CDC42BPB: variants seen among roughly 807,000 people sequenced by gnomAD.
CDC42BPB encodes serine/threonine-protein kinase MRCK beta.
Under a neutral mutation model 214.9 loss-of-function variants are expected in CDC42BPB, and 37 were observed. That is an observed-to-expected ratio of 0.17 (90% CI 0.13 to 0.23). The LOEUF is 0.23. CDC42BPB is among the 10% of genes least tolerant of loss of function. The pLI is 1.00. For synonymous variants in CDC42BPB, 931 were observed against 884.0 expected (o/e 1.05, Z -0.94); for missense variants, 1,694 against 2,227.0 (o/e 0.76, Z 4.82).
At chr14:102,946,193 A>T (rs573186780) in intron 28 of CDC42BPB, among the ~76,000 whole-genome samples, 156 of 145,358 alleles carry the variant, frequency 1.1e-3, no homozygotes, top group East Asian at 7.4e-3. Context: ...TTTTATTTTT[A>T]TTTTTTTTTT....
At chr14:103,010,783 G>C (rs549241785) in intron 2 of CDC42BPB, among the ~76,000 whole-genome samples, 1 of 152,232 alleles carries the variant, frequency 6.6e-6, no homozygotes, top group Non-Finnish European at 1.5e-5. Flanking sequence ...TGTAATCCCA[G>C]CACTTTGGGA....
intron 26 of CDC42BPB, among the ~76,000 whole-genome samples, chr14:102,949,015 T>C (rs944930238): frequency 2.6e-5 from 4 of 152,064 alleles, no homozygotes; most frequent in Non-Finnish European, 4.4e-5. Flanking sequence ...ATGCTACAGA[T>C]GGAGTACCCA....
In CDC42BPB at chr14:102,940,233, C is replaced by A. The variant is rs764841648; in HGVS notation, c.4500G>T (p.Leu1500=). ...RTMEWVQTIG[L]RRIRPLNSEG... Reference sequence around the variant, plus strand: ...GGCACCGAGGCCGCCTTACCCTCCGCAGGCCGATGGTCTGCACCCACTCCA... The same window carrying A: ...GGCACCGAGGCCGCCTTACCCTCCGAAGGCCGATGGTCTGCACCCACTCCA... The change falls in exon 31 of 37, where the codon CTG becomes CTT. Residue 1500 remains leucine, a synonymous_variant. Transcript: ENST00000361246. 1 of 1,602,802 alleles carries A rather than the reference C, an allele frequency of 6.2e-7. No homozygotes were observed. Among genetic ancestry groups the A allele is most frequent in the South Asian group, 1.1e-5 (1 of 89,724 alleles).
chr14:102,999,567 G>A lies in CDC42BPB; in HGVS notation c.594C>T (p.His198=), dbSNP rs1894888498. 1 of 1,613,932 alleles carries A rather than the reference G, an allele frequency of 6.2e-7. No individual in the cohort carries two copies. The highest frequency in any genetic ancestry group is 8.5e-7 in the Non-Finnish European group (1 of 1,179,882). ...AAAATATATCAGAAGCCGGTTACCT[G>A]TGCACGTAATGAAGCTGATGGATGG... ...IDSIHQLHYV[H]RDIKPDNVLL... The change falls in exon 5 of 37, where the codon CAC becomes CAT. Residue 198 remains histidine (H), a splice_region_variant and synonymous_variant. Coordinates refer to ENST00000361246, the MANE Select transcript of CDC42BPB (RefSeq NM_006035.4).
intron 6 of CDC42BPB, among the ~76,000 whole-genome samples, chr14:102,985,241 T>A (rs541895112): frequency 3.4e-5 from 5 of 145,480 alleles, no homozygotes; most frequent in African/African-American, 1.3e-4. Flanking sequence ...CATGACGGGG[T>A]GGTGTGGAGG....
intron 1 of CDC42BPB, among the ~76,000 whole-genome samples, chr14:103,023,803 T>C (rs1356783668): frequency 1.3e-5 from 2 of 152,160 alleles, no homozygotes; most frequent in Non-Finnish European, 2.9e-5. Flanking sequence ...AATATATATA[T>C]TCTAATATGC....
chr14:102,989,180 G>A (rs1055034743), intron 5 of CDC42BPB, among the ~76,000 whole-genome samples: 3 of 152,086 alleles, frequency 2.0e-5, no homozygotes, highest in Non-Finnish European at 4.4e-5. Flanking sequence ...CACGAGAAAG[G>A]TGAAAAAGAA....
At chr14:103,044,693 A>T (rs1391924351) in intron 1 of CDC42BPB, among the ~76,000 whole-genome samples, 1 of 150,746 alleles carries the variant, frequency 6.6e-6, no homozygotes, top group African/African-American at 2.4e-5. Context: ...TTAATTTTGC[A>T]GAGACGGGGG....
chr14:102,942,077 A>T (rs1452642079), intron 30 of CDC42BPB, among the ~76,000 whole-genome samples: 1 of 152,226 alleles, frequency 6.6e-6, no homozygotes, highest in Admixed American at 6.5e-5. Flanking sequence ...GCTTTGCAAA[A>T]ATGTAAATCC....
Position 102,933,847 on chromosome 14 carries a change from T to C in CDC42BPB, c.5005-4A>G, listed in dbSNP as rs935293874. The C allele has an allele frequency of 3.3e-6, 5 of 1,519,852 alleles. No homozygotes were observed. Among genetic ancestry groups the C allele is most frequent in the African/African-American group, 1.4e-5 (1 of 69,794 alleles). 94.1% of individuals were successfully genotyped at this position (1,519,852 alleles called of 1,614,324 possible). On this transcript the variant is annotated splice_region_variant and splice_polypyrimidine_tract_variant and intron_variant, in intron 36 of 36. Transcript: ENST00000361246. Reference sequence around the variant, plus strand: ...GTTTGGTGGAGTCCGAATCAGGCTGTGAACAGGAAGAGGGCAGGGTGAGCA... The same window carrying C: ...GTTTGGTGGAGTCCGAATCAGGCTGCGAACAGGAAGAGGGCAGGGTGAGCA...
intron 7 of CDC42BPB, among the ~76,000 whole-genome samples, chr14:102,981,381 TA>T (rs1468808700): frequency 6.6e-6 from 1 of 152,160 alleles, no homozygotes; most frequent in Non-Finnish European, 1.5e-5. Context: ...AAACTCACAC[TA>T]AAAAAGCAGT....
At chr14:102,947,052 C>T (rs1892212943) in intron 27 of CDC42BPB, among the ~76,000 whole-genome samples, 1 of 152,184 alleles carries the variant, frequency 6.6e-6, no homozygotes, top group Non-Finnish European at 1.5e-5. Context: ...CAAATCATGC[C>T]TCCCTGTGAG....
intron 2 of CDC42BPB, among the ~76,000 whole-genome samples, chr14:103,009,339 A>G (rs1485860319): frequency 6.6e-6 from 1 of 152,200 alleles, no homozygotes; most frequent in Middle Eastern, 3.2e-3. Flanking sequence ...CGTGCCAGAG[A>G]CGGTGTTGAG....
chr14:102,995,981 GT>G (rs1296951731), intron 5 of CDC42BPB, among the ~76,000 whole-genome samples: 1 of 152,190 alleles, frequency 6.6e-6, no homozygotes, highest in East Asian at 1.9e-4. Flanking sequence ...GAAAAATAAA[GT>G]TTTAAAATTA....
chr14:102,978,608 C>CTAAG (rs1346251704), intron 8 of CDC42BPB, among the ~76,000 whole-genome samples: 2 of 152,180 alleles, frequency 1.3e-5, no homozygotes, highest in African/African-American at 4.8e-5. Context: ...GGTTCTTGAC[C>CTAAG]TAAGACAAGA....
intron 7 of CDC42BPB, among the ~76,000 whole-genome samples, chr14:102,981,348 C>T (rs7146154): frequency 0.04 from 6,165 of 152,266 alleles, 419 homozygotes; most frequent in African/African-American, 0.14. Flanking sequence ...ACAGTGCACG[C>T]GTCACGGCAG....
At chr14:103,056,651 C>T (rs1415301080) in intron 1 of CDC42BPB, among the ~76,000 whole-genome samples, 4 of 146,856 alleles carry the variant, frequency 2.7e-5, no homozygotes, top group Non-Finnish European at 4.5e-5. Context: ...ATCTAGGAAG[C>T]CGCCAGGGCG....
rs1427632487 is a variant in CDC42BPB at position 102,944,373 on chromosome 14, G to A, written c.3926C>T (p.Ser1309Leu). 2.5e-6 allele frequency: 4 copies of A among 1,613,170 alleles called. No homozygotes were observed. The highest frequency in any genetic ancestry group is 1.7e-5 in the Admixed American group (1 of 60,024). Residue 1309 changes from serine (S) to leucine (L), a missense_variant, in exon 30 of 37, where the codon TCG becomes TTG. By Grantham distance (145) the Ser-to-Leu change is moderately radical. This residue lies in a region of CDC42BPB where 567 missense variants were observed against 790.3 expected (regional missense o/e 0.72). Transcript: ENST00000361246. This position sits in a 1 kb window ranked among gnomAD's most constrained non-coding sequence, Gnocchi z 6.6. The stretch of plus-strand genomic sequence containing the variant: ...GCTGCCTTCCGCTCCATCAAGGGAC[G>A]ACCACGGATAGAGGTGCACATGGTG... ...RNHHVHLYPW[S>L]SLDGAEGSFD...
chr14:102,997,267 C>G (rs1466068275), intron 5 of CDC42BPB, among the ~76,000 whole-genome samples: 1 of 152,176 alleles, frequency 6.6e-6, no homozygotes, highest in Non-Finnish European at 1.5e-5. Flanking sequence ...CCTGCGAAGT[C>G]CCAAGGGGAA....
Sources: gnomAD v4.1 joint callset for allele counts (sites outside exome capture counted in the v4.1 genomes callset) on GRCh38, gnomAD v4.1.1 for gene constraint, gnomAD v4.1.1 regional missense constraint, Gnocchi (gnomAD v3.1) non-coding constraint, MANE v1.5 for transcripts, NCBI Gene and HGNC (gene_info 2026-07-23, HGNC 2026-07-21) for gene names.